The following LRP1B variants were observed in gnomAD, a reference collection of about 807,000 sequenced individuals.
The protein encoded by LRP1B is LDL receptor related protein 1B.
A neutral mutation model predicts 556.6 loss-of-function variants in LRP1B; 217 were observed. The observed-to-expected ratio is 0.39, with a 90% CI of 0.35 to 0.44. The LOEUF (loss-of-function observed/expected upper bound fraction) is 0.44. Ranked by LOEUF, LRP1B falls within the 20% of genes least tolerant of loss-of-function variation. The pLI, the probability that LRP1B is intolerant of heterozygous loss-of-function variation, is 1.00. For missense variants in LRP1B, 5,053 were observed against 5,620.8 expected, an observed-to-expected ratio of 0.90 and a Z score of 3.23; for synonymous variants, 2,047 against 1,865.8, an observed-to-expected ratio of 1.10 and a Z score of -2.50.
intron 6 of LRP1B, among the ~76,000 whole-genome samples, chr2:141,217,403 C>T (rs1315457803): frequency 6.6e-6 from 1 of 152,086 alleles, no homozygotes; most frequent in Non-Finnish European, 1.5e-5. Flanking sequence ...TATAAACATT[C>T]AATACACATT....
intron 23 of LRP1B, among the ~76,000 whole-genome samples, chr2:140,886,917 T>C (rs1693654435): frequency 6.6e-6 from 1 of 152,142 alleles, no homozygotes; most frequent in Non-Finnish European, 1.5e-5. Flanking sequence ...GAAACAGGCC[T>C]GGGTAGGGAG....
intron 53 of LRP1B, among the ~76,000 whole-genome samples, chr2:140,504,397 T>C (rs1689320228): frequency 6.6e-6 from 1 of 152,180 alleles, no homozygotes. Context: ...TTTCCTTCTG[T>C]ATGAAATCCT....
At chr2:142,000,271 T>A (rs540459920) in intron 1 of LRP1B, among the ~76,000 whole-genome samples, 69 of 152,262 alleles carry the variant, frequency 4.5e-4, no homozygotes, top group African/African-American at 1.7e-3. Context: ...TGAATGGACT[T>A]CCTTGCTTTC....
intron 32 of LRP1B, among the ~76,000 whole-genome samples, chr2:140,779,523 C>T (rs1408036216): frequency 4.0e-5 from 6 of 151,680 alleles, no homozygotes; most frequent in Admixed American, 2.6e-4. Flanking sequence ...GGTGAAACCC[C>T]GTCTCTACTA....
Position 140,495,582 on chromosome 2 carries a change from C to G in LRP1B, c.9017G>C (p.Gly3006Ala), listed in dbSNP as rs761012769. 1.3e-6 allele frequency: 2 copies of G among 1,585,064 alleles called. No homozygotes were observed. The highest frequency in any genetic ancestry group is 1.7e-6 in the Non-Finnish European group (2 of 1,158,090). The change falls in exon 56 of 91, where the codon GGC (glycine) becomes GCC (alanine). Residue 3006 changes from glycine to alanine, a missense_variant. By Grantham distance (60) the Gly-to-Ala change is moderately conservative. Around this residue, in one of 5 missense-constraint regions of LRP1B, gnomAD observed 3,619 missense variants for 3,931.9 expected, o/e 0.92. Transcript: ENST00000389484. The stretch of plus-strand genomic sequence containing the variant: ...TTCGATACCTGAGAGCGATTTGCAG[C>G]CATTTGGGTTATCAGGTTGTATTTC... ...GYEIQPDNPNGCKSLSDEEPF... is the reference protein window; with the variant it reads ...GYEIQPDNPNACKSLSDEEPF...
intron 6 of LRP1B, among the ~76,000 whole-genome samples, chr2:141,219,900 C>CA (rs1278421297): frequency 3.3e-5 from 5 of 152,104 alleles, no homozygotes; most frequent in African/African-American, 1.2e-4. Context: ...ACAACATCGA[C>CA]AAAAAAGACC....
intron 6 of LRP1B, 27 bp downstream of exon 6, chr2:141,229,156 C>G (rs2105293094): frequency 6.2e-7 from 1 of 1,608,240 alleles, no homozygotes; most frequent in Non-Finnish European, 8.5e-7. Context: ...TAAAGGGTGG[C>G]ATATAATATT....
chr2:141,928,336 C>T (rs1353776333), intron 1 of LRP1B, among the ~76,000 whole-genome samples: 1 of 151,962 alleles, frequency 6.6e-6, no homozygotes, highest in Non-Finnish European at 1.5e-5. Context: ...ATTGTATGCA[C>T]AGAAGTACGC....
At chr2:141,517,104 G>A (rs1212929493) in intron 2 of LRP1B, among the ~76,000 whole-genome samples, 9 of 149,490 alleles carry the variant, frequency 6.0e-5, no homozygotes, top group Non-Finnish European at 1.3e-4. Flanking sequence ...AACCTTGTAT[G>A]GCTACAGCAT....
chr2:140,503,354 GA>G (rs1225049150), intron 53 of LRP1B, among the ~76,000 whole-genome samples: 1 of 152,048 alleles, frequency 6.6e-6, no homozygotes, highest in Non-Finnish European at 1.5e-5. Flanking sequence ...ATAAGAAAGT[GA>G]CCCTTGACTA....
chr2:141,163,957 T>A lies in LRP1B; in HGVS notation c.1013+24464A>T, dbSNP rs1574142764. 2.0e-5 allele frequency among the ~76,000 whole-genome samples: 3 copies of A among 152,234 alleles called. No individual in the cohort carries two copies. The East Asian group carries it at 5.8e-4, about 29-fold the overall frequency. On this transcript the variant is annotated intron_variant, in intron 7 of 90. Coordinates refer to ENST00000389484, the MANE Select transcript of LRP1B (RefSeq NM_018557.3). ...TCTTTAAGACCTTCAAAATTTGACA[T>A]TATATTACTATTTCTGTGGGTAAAT...
At chr2:140,822,052 T>C (rs908948782) in intron 31 of LRP1B, among the ~76,000 whole-genome samples, 14 of 151,516 alleles carry the variant, frequency 9.2e-5, no homozygotes, top group Non-Finnish European at 1.5e-5. Context: ...AATAAAAATA[T>C]ATAGTACACA....
intron 82 of LRP1B, among the ~76,000 whole-genome samples, chr2:140,316,550 T>C (rs1245418857): frequency 6.6e-6 from 1 of 152,060 alleles, no homozygotes; most frequent in Non-Finnish European, 1.5e-5. Context: ...TGAATAACTC[T>C]CTCATGACGT....
intron 2 of LRP1B, among the ~76,000 whole-genome samples, chr2:141,504,536 A>G (rs1409478293): frequency 6.6e-6 from 1 of 152,152 alleles, no homozygotes; most frequent in Non-Finnish European, 1.5e-5. Context: ...CAAACCTATA[A>G]TAAGTTTAAG....
intron 1 of LRP1B, among the ~76,000 whole-genome samples, chr2:142,014,961 A>G (rs1703073971): frequency 6.6e-6 from 1 of 152,242 alleles, no homozygotes; most frequent in Non-Finnish European, 1.5e-5. Context: ...AAAACTAAAT[A>G]AAAATCAAAA....
intron 1 of LRP1B, among the ~76,000 whole-genome samples, chr2:141,926,720 GAATT>G (rs1700342213): frequency 6.6e-6 from 1 of 152,044 alleles, no homozygotes; most frequent in Non-Finnish European, 1.5e-5. Flanking sequence ...GCCTGAATTG[GAATT>G]AATATGTATT....
intron 1 of LRP1B, among the ~76,000 whole-genome samples, chr2:141,936,527 T>C (rs534400414): frequency 3.9e-5 from 6 of 152,340 alleles, no homozygotes; most frequent in Non-Finnish European, 7.3e-5. Context: ...AAACCAACTC[T>C]GCCTTTAGAC....
intron 2 of LRP1B, among the ~76,000 whole-genome samples, chr2:141,528,107 T>A (rs546072520): frequency 7.2e-5 from 11 of 151,842 alleles, no homozygotes; most frequent in African/African-American, 2.7e-4. Context: ...CTCCCCTAGA[T>A]GTCTCCACGC....
intron 24 of LRP1B, 72 bp downstream of exon 24, chr2:140,886,066 G>A: frequency 1.1e-6 from 1 of 934,012 alleles, no homozygotes; most frequent in Non-Finnish European, 1.6e-6. Flanking sequence ...ATTTCTTCTA[G>A]TTATAACGTG....
Sources: allele counts gnomAD v4.1 joint callset (sites outside exome capture counted in the v4.1 genomes callset), GRCh38; gene constraint gnomAD v4.1.1; regional missense constraint gnomAD v4.1.1; transcripts MANE v1.5; gene names NCBI Gene and HGNC (gene_info 2026-07-23, HGNC 2026-07-21).